The following COL8A1 variants were observed in gnomAD, a reference collection of about 807,000 sequenced individuals.
COL8A1 encodes collagen alpha-1(VIII) chain.
COL8A1 carries 21 observed loss-of-function variants against 42.7 expected under a neutral mutation model. The ratio of observed to expected loss-of-function variants is 0.49; its 90% CI spans 0.35 to 0.71. The LOEUF is 0.71. Among genes scored for constraint, COL8A1 ranks in the 30% least tolerant of loss-of-function variants. COL8A1 has a pLI of 0.01. For synonymous variants in COL8A1, 367 were observed against 369.1 expected, an observed-to-expected ratio of 0.99 and a Z score of 0.06; for missense variants, 788 against 962.4, an observed-to-expected ratio of 0.82 and a Z score of 2.40.
At chr3:99,700,308 A>G (rs1424524155) in intron 1 of COL8A1, among the ~76,000 whole-genome samples, 1 of 152,016 alleles carries the variant, frequency 6.6e-6, no homozygotes, top group Non-Finnish European at 1.5e-5. Context: ...TAGAAGAAAA[A>G]AAAAAAAGAA....
intron 1 of COL8A1, among the ~76,000 whole-genome samples, chr3:99,726,089 T>G (rs904421896): frequency 6.6e-6 from 1 of 152,186 alleles, no homozygotes; most frequent in African/African-American, 2.4e-5. Flanking sequence ...GTTTTCTGAC[T>G]TTTTAATGAT....
intron 2 of COL8A1, among the ~76,000 whole-genome samples, chr3:99,757,985 T>C (rs1237311747): frequency 6.6e-6 from 1 of 152,202 alleles, no homozygotes; most frequent in Admixed American, 6.6e-5. Flanking sequence ...TAGAATACAT[T>C]CTTTTAGGTT....
At chr3:99,787,882 C>A (rs201883721) in intron 2 of COL8A1, among the ~76,000 whole-genome samples, 18 of 147,012 alleles carry the variant, frequency 1.2e-4, no homozygotes, top group East Asian at 5.9e-4. Context: ...ACACCCACAC[C>A]CACACACACA....
chr3:99,740,432 G>A (rs1576458377), intron 1 of COL8A1, among the ~76,000 whole-genome samples: 1 of 152,202 alleles, frequency 6.6e-6, no homozygotes, highest in Non-Finnish European at 1.5e-5. Flanking sequence ...GTTCAGCATG[G>A]CTGGGGAGGC....
At chr3:99,716,165 A>C (rs1939988340) in intron 1 of COL8A1, among the ~76,000 whole-genome samples, 1 of 152,098 alleles carries the variant, frequency 6.6e-6, no homozygotes, top group African/African-American at 2.4e-5. Context: ...GGGTAATTAC[A>C]GGGCCAGAAT....
At position 99,688,411 on chromosome 3, in the gene COL8A1, C is replaced by T. The variant is rs968269419; in HGVS notation, c.-129+49747C>T. On this transcript the variant is annotated intron_variant, in intron 1 of 3. Transcript: ENST00000652472. The stretch of plus-strand genomic sequence containing the variant: ...ATCTTGTGGACTCTTCTTCCAACTT[C>T]AGAGCGCATCGTTCCAACCTCTGCT... Among the ~76,000 whole-genome samples the T allele has an allele frequency of 5.3e-5, 8 of 152,266 alleles. No homozygotes were observed. In the East Asian group the frequency reaches 1.5e-3, roughly 29 times the overall value.
chr3:99,716,391 A>G (rs1939996755), intron 1 of COL8A1, among the ~76,000 whole-genome samples: 3 of 152,086 alleles, frequency 2.0e-5, no homozygotes, highest in Admixed American at 2.0e-4. Flanking sequence ...AAATACTTGT[A>G]AGACAAGCAT....
chr3:99,663,819 C>G (rs1938280898), intron 1 of COL8A1, among the ~76,000 whole-genome samples: 1 of 151,986 alleles, frequency 6.6e-6, no homozygotes, highest in African/African-American at 2.4e-5. Flanking sequence ...AAAATTTCTC[C>G]ACACATCTAA....
intron 2 of COL8A1, among the ~76,000 whole-genome samples, chr3:99,753,648 C>CT (rs200384209): frequency 2.0e-4 from 30 of 151,164 alleles, no homozygotes; most frequent in East Asian, 1.6e-3. Context: ...TTAGAAACTG[C>CT]TTTTTTTTTA....
intron 1 of COL8A1, among the ~76,000 whole-genome samples, chr3:99,642,932 A>G (rs1937533020): frequency 6.6e-6 from 1 of 152,238 alleles, no homozygotes. Context: ...GAGGTTTCAA[A>G]GCCATTTTAC....
intron 1 of COL8A1, among the ~76,000 whole-genome samples, chr3:99,738,329 T>C (rs1485614117): frequency 3.3e-5 from 5 of 152,186 alleles, no homozygotes. Context: ...AGTTTTTCTG[T>C]TCTGTTTTTT....
At chr3:99,739,113 T>C (rs1940823671) in intron 1 of COL8A1, among the ~76,000 whole-genome samples, 1 of 152,190 alleles carries the variant, frequency 6.6e-6, no homozygotes, top group Non-Finnish European at 1.5e-5. Context: ...CACTGACCTG[T>C]GCCCACTGTC....
chr3:99,742,298 A>G (rs544958019), intron 1 of COL8A1, among the ~76,000 whole-genome samples: 326 of 152,358 alleles, frequency 2.1e-3, no homozygotes, highest in African/African-American at 7.3e-3. Context: ...TGGAGAAGAA[A>G]AAACAAATCT....
intron 2 of COL8A1, among the ~76,000 whole-genome samples, chr3:99,786,832 TTTTC>T (rs1368422658): frequency 9.2e-5 from 14 of 152,072 alleles, no homozygotes; most frequent in Non-Finnish European, 8.8e-5. Context: ...CAAGAGAGAA[TTTTC>T]TTTGAGAGGC....
chr3:99,784,051 G>A (rs1387473424), intron 2 of COL8A1, among the ~76,000 whole-genome samples: 1 of 152,166 alleles, frequency 6.6e-6, no homozygotes, highest in Non-Finnish European at 1.5e-5. Context: ...CTTGTCTTAT[G>A]TAAGAGAAGA....
chr3:99,662,292 G>A (rs1938230094), intron 1 of COL8A1, among the ~76,000 whole-genome samples: 1 of 150,818 alleles, frequency 6.6e-6, no homozygotes, highest in African/African-American at 2.4e-5. Context: ...GGAGGCAGGA[G>A]AATCGCTTGA....
chr3:99,749,701 T>C (rs535969459), intron 2 of COL8A1, among the ~76,000 whole-genome samples: 1 of 152,230 alleles, frequency 6.6e-6, no homozygotes, highest in Admixed American at 6.5e-5. Context: ...AAAGGTCTTA[T>C]GTAAAAAAAA....
chr3:99,729,315 T>C (rs948383723), intron 1 of COL8A1, among the ~76,000 whole-genome samples: 2 of 152,066 alleles, frequency 1.3e-5, no homozygotes, highest in Admixed American at 1.3e-4. Context: ...ACCTTCTTTA[T>C]TCCAAACTAA....
At chr3:99,735,985 A>G (rs1393143216) in intron 1 of COL8A1, among the ~76,000 whole-genome samples, 2 of 151,680 alleles carry the variant, frequency 1.3e-5, no homozygotes, top group Admixed American at 6.6e-5. Context: ...TTTCTGTGGG[A>G]TTGGTGGTGA....
Sources: gnomAD v4.1 joint callset for allele counts (sites outside exome capture counted in the v4.1 genomes callset) on GRCh38, gnomAD v4.1.1 for gene constraint, MANE v1.5 for transcripts, NCBI Gene and HGNC (gene_info 2026-07-23, HGNC 2026-07-21) for gene names.